GAPVD1: variants seen among roughly 807,000 people sequenced by gnomAD.
GAPVD1 encodes GTPase-activating protein and VPS9 domain-containing protein 1.
In GAPVD1, 35 loss-of-function variants were observed where a neutral mutation model predicts 155.5. The ratio of observed to expected loss-of-function variants is 0.23; its 90% CI spans 0.17 to 0.30. GAPVD1 has a LOEUF of 0.30. Ranked by LOEUF, GAPVD1 falls within the 10% of genes least tolerant of loss-of-function variation. The probability of loss-of-function intolerance (pLI) is 1.00; values close to 1 mark genes in which losing one functional copy is unlikely to be tolerated. For missense variants in GAPVD1, 1,429 were observed against 1,775.7 expected, an observed-to-expected ratio of 0.80 and a Z score of 3.51; for synonymous variants, 636 against 619.7, an observed-to-expected ratio of 1.03 and a Z score of -0.39.
At chr9:125,335,343 T>G (rs752788135) in intron 15 of GAPVD1, 59 of 525,406 alleles carry the variant, frequency 1.1e-4, no homozygotes, top group Non-Finnish European at 1.7e-4. Context: ...TATTTATTTT[T>G]AATGCTTTTT....
At chr9:125,323,686 A>C (rs904406737) in intron 10 of GAPVD1, 112 bp from the exon 11 acceptor site, 3 of 1,021,802 alleles carry the variant, frequency 2.9e-6, no homozygotes, top group Admixed American at 1.9e-5. Context: ...AAGGTATAAA[A>C]AGTATTAAAA....
intron 9 of GAPVD1, among the ~76,000 whole-genome samples, chr9:125,315,261 CA>C (rs1843256510): frequency 6.6e-6 from 1 of 151,618 alleles, no homozygotes; most frequent in Admixed American, 6.6e-5. Context: ...CTCCATCCTC[CA>C]CACACACACA....
At chr9:125,296,713 G>A (rs376177103) in intron 3 of GAPVD1, among the ~76,000 whole-genome samples, 4 of 145,206 alleles carry the variant, frequency 2.8e-5, no homozygotes, top group Admixed American at 7.1e-5. Flanking sequence ...CCATGCTGGA[G>A]TGCAGTGGTG....
intron 2 of GAPVD1, among the ~76,000 whole-genome samples, chr9:125,281,085 A>C (rs1455380387): frequency 6.6e-6 from 1 of 152,282 alleles, no homozygotes; most frequent in East Asian, 1.9e-4. Flanking sequence ...TGAAAGAAAA[A>C]ATATTTTTAG....
intron 9 of GAPVD1, among the ~76,000 whole-genome samples, chr9:125,318,568 A>C (rs1435136189): frequency 2.0e-5 from 3 of 152,132 alleles, no homozygotes; most frequent in Non-Finnish European, 4.4e-5. Flanking sequence ...TTTTCTCCTG[A>C]TGTTTTAGTT....
At position 125,362,751 on chromosome 9, in the gene GAPVD1, G is replaced by A. The variant is rs754008310; in HGVS notation, c.*5G>A. 4.3e-5 allele frequency: 69 copies of A among 1,612,330 alleles called. No individual in the cohort carries two copies. Among genetic ancestry groups the A allele is most frequent in the Middle Eastern group, 1.6e-4 (1 of 6,076 alleles). ...ACCATCGATGACCGAAAGTGACCAA[G>A]ACCAAGGCCCACCAAGGCAGCAGAC... On this transcript the variant is annotated 3_prime_UTR_variant, in exon 28 of 28. Coordinates refer to ENST00000297933, the MANE Select transcript of GAPVD1 (RefSeq NM_001282680.3).
intron 15 of GAPVD1, among the ~76,000 whole-genome samples, chr9:125,334,794 C>CT (rs1846637572): frequency 8.9e-6 from 1 of 112,782 alleles, no homozygotes; most frequent in Non-Finnish European, 1.9e-5. Context: ...GTGGTCCCAT[C>CT]TTTAAAAAAA....
chr9:125,293,888 A>ATATATATAAATATATTT (rs1839362312), intron 2 of GAPVD1, among the ~76,000 whole-genome samples: 2 of 105,030 alleles, frequency 1.9e-5, no homozygotes, highest in African/African-American at 6.7e-5. Flanking sequence ...ATATATATAT[A>ATATATATAAATATATTT]TATATATATA....
intron 12 of GAPVD1, among the ~76,000 whole-genome samples, chr9:125,329,800 G>C (rs1235821005): frequency 6.6e-6 from 1 of 151,890 alleles, no homozygotes; most frequent in African/African-American, 2.4e-5. Context: ...TTGTGCCTCA[G>C]CTTCCCAAGT....
rs765385658 is a variant in GAPVD1 at position 125,349,428 on chromosome 9, C to T, written c.3208C>T (p.Arg1070Cys). The change falls in exon 21 of 28, where the codon CGT becomes TGT. Residue 1070 changes from arginine (R) to cysteine (C), a missense_variant. Around this residue, in one of 4 missense-constraint regions of GAPVD1, gnomAD observed 699 missense variants for 826.0 expected, o/e 0.85. Transcript: ENST00000297933. ...GDGESAHDSP[R>C]DEALQNISAD... ...TGGTGAAAGTGCACATGATTCTCCC[C>T]GTGACGAAGCACTGCAGAACATCTC... 38 of 1,613,542 alleles carry T rather than the reference C, an allele frequency of 2.4e-5. No homozygotes were observed. The highest frequency in any genetic ancestry group is 3.0e-5 in the Non-Finnish European group (35 of 1,179,684).
chr9:125,367,124 A>ATCTGT lies in GAPVD1; in HGVS notation c.*4378_*4379insTCTGT, dbSNP rs1851507877. On this transcript the variant is annotated 3_prime_UTR_variant, in exon 28 of 28. Transcript: ENST00000297933. ...GCACAATCTTGTATATGTACAGGAA[A>ATCTGT]CCCCTCCTGTCTCCTAATGTGATTA... 1 of 152,304 alleles carries ATCTGT rather than the reference A, an allele frequency of 6.6e-6. No homozygotes were observed. The highest frequency in any genetic ancestry group is 2.4e-5 in the African/African-American group (1 of 41,576). 9.4% of individuals were successfully genotyped at this position (152,304 alleles called of 1,614,324 possible).
At chr9:125,276,934 A>T (rs1046105870) in intron 2 of GAPVD1, among the ~76,000 whole-genome samples, 7 of 150,526 alleles carry the variant, frequency 4.7e-5, no homozygotes, top group African/African-American at 1.5e-4. Context: ...AATTTTCTAA[A>T]TTTTTTTTTC....
At position 125,365,204 on chromosome 9, in the gene GAPVD1, T is replaced by C. The variant is rs1159696312; in HGVS notation, c.*2458T>C. On this transcript the variant is annotated 3_prime_UTR_variant, in exon 28 of 28. Transcript: ENST00000297933. ...AGCTGGCGGAGGAGCACAGCACAGC[T>C]GTTGCAGGGGCAGCTAAGGTTTCCT... 1.3e-5 allele frequency: 2 copies of C among 152,312 alleles called. No homozygotes were observed. Among genetic ancestry groups the C allele is most frequent in the African/African-American group, 4.8e-5 (2 of 41,568 alleles). The allele number at this position is 152,312 out of a possible 1,614,324, so 9.4% of individuals were successfully genotyped here. A position where few individuals can be genotyped will look rare whatever the true frequency, so the allele number is the denominator to read the frequency against.
chr9:125,277,999 T>G (rs1283631957), intron 2 of GAPVD1, among the ~76,000 whole-genome samples: 1 of 152,158 alleles, frequency 6.6e-6, no homozygotes, highest in African/African-American at 2.4e-5. Context: ...AATGAACCCA[T>G]TATTTTAGTA....
chr9:125,324,961 G>A (rs988969796), intron 11 of GAPVD1, among the ~76,000 whole-genome samples: 2 of 151,146 alleles, frequency 1.3e-5, no homozygotes, highest in Admixed American at 6.6e-5. Flanking sequence ...ACAGTGGCTC[G>A]TGCCTGTAAT....
At chr9:125,309,727 T>A (rs753345804) in intron 8 of GAPVD1, among the ~76,000 whole-genome samples, 1 of 152,252 alleles carries the variant, frequency 6.6e-6, no homozygotes, top group Non-Finnish European at 1.5e-5. Context: ...CATTGTTGAC[T>A]GCTATACATT....
chr9:125,330,755 CTG>C (rs1845951200), intron 13 of GAPVD1, among the ~76,000 whole-genome samples: 1 of 152,206 alleles, frequency 6.6e-6, no homozygotes, highest in Admixed American at 6.5e-5. Context: ...CTTTCAGACT[CTG>C]TGTTGAGTTA....
chr9:125,298,164 T>G (rs1409655047), intron 3 of GAPVD1, among the ~76,000 whole-genome samples: 2 of 152,176 alleles, frequency 1.3e-5, no homozygotes, highest in East Asian at 3.8e-4. Flanking sequence ...AGAATTGATG[T>G]GATTAGCAAT....
At chr9:125,280,377 CAA>C (rs1836576700) in intron 2 of GAPVD1, among the ~76,000 whole-genome samples, 1 of 52,920 alleles carries the variant, frequency 1.9e-5, no homozygotes, top group Non-Finnish European at 3.3e-5. Context: ...GCTTGGGCAA[CAA>C]GAGCAAAAGT....
Sources: allele counts gnomAD v4.1 joint callset (sites outside exome capture counted in the v4.1 genomes callset), GRCh38; gene constraint gnomAD v4.1.1; regional missense constraint gnomAD v4.1.1; transcripts MANE v1.5; gene names NCBI Gene and HGNC (gene_info 2026-07-23, HGNC 2026-07-21).